EPB41L4A: variants seen among roughly 807,000 people sequenced by gnomAD.
EPB41L4A encodes band 4.1-like protein 4A.
Under a neutral mutation model 108.6 loss-of-function variants are expected in EPB41L4A, and 100 were observed. The ratio of observed to expected loss-of-function variants is 0.92; its 90% CI spans 0.78 to 1.09. The LOEUF (loss-of-function observed/expected upper bound fraction) is 1.09. Ranked by LOEUF, EPB41L4A falls within the 50% of genes least tolerant of loss-of-function variation. The pLI, the probability that EPB41L4A is intolerant of heterozygous loss-of-function variation, is 0.00. For missense variants in EPB41L4A, 1,030 were observed against 842.7 expected (o/e 1.22, Z -2.75); for synonymous variants, 319 against 289.0 (o/e 1.10, Z -1.05).
At chr5:112,199,182 C>G (rs1762104410) in intron 15 of EPB41L4A, among the ~76,000 whole-genome samples, 1 of 152,210 alleles carries the variant, frequency 6.6e-6, no homozygotes, top group African/African-American at 2.4e-5. Flanking sequence ...GTGAGATTCT[C>G]TAGTCTCATG....
At chr5:112,215,977 A>C (rs563279656) in intron 12 of EPB41L4A, among the ~76,000 whole-genome samples, 6 of 152,268 alleles carry the variant, frequency 3.9e-5, no homozygotes, top group African/African-American at 1.2e-4. Flanking sequence ...CAGTACTGAA[A>C]TGCCAGTGTG....
chr5:112,411,962 G>A lies in EPB41L4A; in HGVS notation c.99+6979C>T, dbSNP rs115038466. On this transcript the variant is annotated intron_variant, in intron 1 of 22. Coordinates refer to ENST00000261486, the MANE Select transcript of EPB41L4A (RefSeq NM_022140.5). ...GCTCAGCAACCTGACCCTCACTCACGGCCCCCACTGTTCTCTAAACAAAGC... is the reference window on the plus strand; with the variant it reads ...GCTCAGCAACCTGACCCTCACTCACAGCCCCCACTGTTCTCTAAACAAAGC... Among the ~76,000 whole-genome samples, 593 of 152,230 alleles carry A rather than the reference G, an allele frequency of 3.9e-3. 3 individuals are homozygous for A. The highest frequency in any genetic ancestry group is 0.014 in the African/African-American group (574 of 41,542).
At chr5:112,314,311 A>G (rs1462327887) in intron 1 of EPB41L4A, among the ~76,000 whole-genome samples, 1 of 151,896 alleles carries the variant, frequency 6.6e-6, no homozygotes, top group Admixed American at 6.6e-5. Flanking sequence ...GGCTAGTTTC[A>G]TTTGAAATTT....
intron 4 of EPB41L4A, among the ~76,000 whole-genome samples, chr5:112,268,026 T>C (rs560106690): frequency 6.6e-6 from 1 of 152,340 alleles, no homozygotes; most frequent in East Asian, 1.9e-4. Context: ...TGATCATCTG[T>C]GCTCCTCTTG....
chr5:112,168,119 T>C (rs1760362993), intron 22 of EPB41L4A, among the ~76,000 whole-genome samples: 1 of 152,196 alleles, frequency 6.6e-6, no homozygotes, highest in African/African-American at 2.4e-5. Context: ...TCAGCCCACA[T>C]TTTTTCCCAT....
intron 1 of EPB41L4A, among the ~76,000 whole-genome samples, chr5:112,418,486 A>C (rs1396090636): frequency 6.6e-6 from 1 of 152,060 alleles, no homozygotes; most frequent in Non-Finnish European, 1.5e-5. Context: ...AAACAATCAC[A>C]ATGACCCATT....
chr5:112,336,575 G>A (rs1321806195), intron 1 of EPB41L4A, among the ~76,000 whole-genome samples: 1 of 152,130 alleles, frequency 6.6e-6, no homozygotes, highest in Non-Finnish European at 1.5e-5. Context: ...CACTTTCCTG[G>A]TCCCCTTGTG....
intron 12 of EPB41L4A, among the ~76,000 whole-genome samples, chr5:112,147,798 G>A (rs902917106): frequency 1.4e-4 from 21 of 152,014 alleles, no homozygotes; most frequent in Admixed American, 3.9e-4. Flanking sequence ...CAGGCCTAGC[G>A]CGGTGGCTCA....
At chr5:112,159,210 CA>C (rs1561434634), downstream of EPB41L4A, among the ~76,000 whole-genome samples, 1 of 151,856 alleles carries the variant, frequency 6.6e-6, no homozygotes, top group Non-Finnish European at 1.5e-5. Flanking sequence ...GATTGAGATA[CA>C]AAAAGCTGTA....
intron 1 of EPB41L4A, among the ~76,000 whole-genome samples, chr5:112,356,542 T>C (rs1274108313): frequency 6.6e-6 from 1 of 152,222 alleles, no homozygotes; most frequent in Non-Finnish European, 1.5e-5. Context: ...TTTAATAATA[T>C]GCAAGAAACA....
At chr5:112,183,995 G>T in intron 18 of EPB41L4A, 21 bp downstream of exon 18, 2 of 1,613,380 alleles carry the variant, frequency 1.2e-6, no homozygotes, top group Middle Eastern at 1.7e-4. Flanking sequence ...TTGAATCAAG[G>T]TATAAAAAGA....
intron 1 of EPB41L4A, among the ~76,000 whole-genome samples, chr5:112,318,352 T>C (rs1755558371): frequency 1.3e-5 from 2 of 152,302 alleles, no homozygotes; most frequent in African/African-American, 4.8e-5. Flanking sequence ...TAGAGAGCTA[T>C]TTTCAAGACT....
At chr5:112,181,473 C>T (rs534445952) in intron 18 of EPB41L4A, among the ~76,000 whole-genome samples, 3 of 151,766 alleles carry the variant, frequency 2.0e-5, no homozygotes, top group African/African-American at 4.8e-5. Flanking sequence ...TAAATAAACA[C>T]ACAAATTCCC....
intron 12 of EPB41L4A, among the ~76,000 whole-genome samples, chr5:112,152,367 G>T (rs1487473057): frequency 2.0e-5 from 3 of 150,780 alleles, no homozygotes; most frequent in African/African-American, 7.5e-5. Context: ...TTACATTACT[G>T]CTATGGTCTG....
chr5:112,155,745 A>G (rs186763992), intron 12 of EPB41L4A, among the ~76,000 whole-genome samples: 1 of 152,292 alleles, frequency 6.6e-6, no homozygotes, highest in East Asian at 1.9e-4. Context: ...GTCAACAACT[A>G]TATTATTTGG....
Position 112,149,150 on chromosome 5 carries a change from A to C in EPB41L4A, n.995-3152T>G, listed in dbSNP as rs185853707. 8.5e-5 allele frequency among the ~76,000 whole-genome samples: 13 copies of C among 152,298 alleles called. No individual in the cohort carries two copies. In the East Asian group the frequency reaches 2.5e-3, roughly 29 times the overall value. On this transcript the variant is annotated intron_variant and non_coding_transcript_variant, in intron 12 of 13. Transcript: ENST00000507810. ...ACGAACTACTGAATATAATTTTGTC[A>C]GGTTCCCAAAGAATTAGATCAAGTT...
downstream of EPB41L4A, chr5:112,161,369 G>C (rs1356676059): frequency 1.4e-5 from 6 of 416,176 alleles, no homozygotes; most frequent in Non-Finnish European, 1.9e-5. Flanking sequence ...TATTAAGTCG[G>C]ATTTTAAATC....
chr5:112,168,663 G>T, intron 22 of EPB41L4A, 76 bp downstream of exon 22: 2 of 1,176,970 alleles, frequency 1.7e-6, no homozygotes, highest in South Asian at 1.3e-5. Flanking sequence ...CTCCCTAAAG[G>T]AACTTTCCAA....
At chr5:112,254,768 T>A (rs373534458) in intron 9 of EPB41L4A, among the ~76,000 whole-genome samples, 1 of 152,048 alleles carries the variant, frequency 6.6e-6, no homozygotes, top group East Asian at 1.9e-4. Context: ...CACCCCCCAG[T>A]AATGCTCAGC....
Sources: allele counts gnomAD v4.1 joint callset (sites outside exome capture counted in the v4.1 genomes callset), GRCh38; gene constraint gnomAD v4.1.1; transcripts MANE v1.5; gene names NCBI Gene and HGNC (gene_info 2026-07-23, HGNC 2026-07-21).